The following CREB5 variants were observed in gnomAD, a reference collection of about 807,000 sequenced individuals.
CREB5 encodes cyclic AMP-responsive element-binding protein 5.
A neutral mutation model predicts 57.1 loss-of-function variants in CREB5; 19 were observed. That is an observed-to-expected ratio of 0.33 (90% CI 0.23 to 0.49). The LOEUF is 0.49. Ranked by LOEUF, CREB5 falls within the 20% of genes least tolerant of loss-of-function variation. The pLI, the probability that CREB5 is intolerant of heterozygous loss-of-function variation, is 0.99. For synonymous variants in CREB5, 238 were observed against 238.3 expected, an observed-to-expected ratio of 1.00 and a Z score of 0.01; for missense variants, 579 against 671.6, an observed-to-expected ratio of 0.86 and a Z score of 1.52.
intron 1 of CREB5, among the ~76,000 whole-genome samples, chr7:28,326,204 TCTATCTAC>T (rs752536413): frequency 0.039 from 4,280 of 110,376 alleles, 83 homozygotes; most frequent in Middle Eastern, 0.068. Context: ...TATCTATCTA[TCTATCTAC>T]CTATCTATCT....
intron 7 of CREB5, among the ~76,000 whole-genome samples, chr7:28,765,787 A>G (rs1805935855): frequency 1.3e-5 from 2 of 152,318 alleles, no homozygotes; most frequent in Non-Finnish European, 1.5e-5. Flanking sequence ...GTGCCCTTAG[A>G]CAGAAAATGA....
At chr7:28,522,966 A>T (rs1373227151) in intron 4 of CREB5, among the ~76,000 whole-genome samples, 1 of 152,214 alleles carries the variant, frequency 6.6e-6, no homozygotes, top group Non-Finnish European at 1.5e-5. Context: ...TCTGTGAGAG[A>T]CATCCACTCG....
At chr7:28,496,969 T>C (rs1792085135) in intron 3 of CREB5, among the ~76,000 whole-genome samples, 1 of 152,224 alleles carries the variant, frequency 6.6e-6, no homozygotes, top group Admixed American at 6.5e-5. Context: ...GTCAATGTAG[T>C]ATAACTTAAT....
At chr7:28,299,407 C>T (rs1208361329) in exon 1 of CREB5, 2 of 152,238 alleles carry the variant, frequency 1.3e-5, no homozygotes, top group East Asian at 3.8e-4. Context: ...CATTTATGCT[C>T]TGGCATTCGT....
At chr7:28,575,157 ACAAG>A (rs1795858228) in intron 5 of CREB5, among the ~76,000 whole-genome samples, 1 of 152,232 alleles carries the variant, frequency 6.6e-6, no homozygotes, top group South Asian at 2.1e-4. Flanking sequence ...AGGAAAACAA[ACAAG>A]CAAACAAAGA....
chr7:28,784,678 G>T (rs11514759), intron 7 of CREB5, among the ~76,000 whole-genome samples: 36,735 of 151,994 alleles, frequency 0.24, 5,430 homozygotes, highest in Non-Finnish European at 0.34. Flanking sequence ...GGCAGGAAAG[G>T]TTCGGATATG....
chr7:28,333,409 A>C (rs1008074967), intron 1 of CREB5, among the ~76,000 whole-genome samples: 19 of 152,064 alleles, frequency 1.2e-4, no homozygotes, highest in Non-Finnish European at 4.4e-5. Context: ...ATCCGATTAT[A>C]CTCTTTCAGT....
chr7:28,608,113 T>TCACACACA (rs61349634), intron 5 of CREB5, among the ~76,000 whole-genome samples: 1 of 143,070 alleles, frequency 7.0e-6, no homozygotes, highest in Admixed American at 7.0e-5. Context: ...TCTCTCTCTC[T>TCACACACA]CACACACACT....
intron 7 of CREB5, among the ~76,000 whole-genome samples, chr7:28,741,586 G>C (rs1189716729): frequency 1.3e-5 from 2 of 152,116 alleles, no homozygotes; most frequent in Non-Finnish European, 1.5e-5. Flanking sequence ...AATTAAGTAC[G>C]TTTTGAACTT....
At chr7:28,411,770 C>T (rs1037407739), upstream of CREB5, among the ~76,000 whole-genome samples, 1 of 152,128 alleles carries the variant, frequency 6.6e-6, no homozygotes, top group Non-Finnish European at 1.5e-5. Flanking sequence ...TTCTTCAAAG[C>T]GAAAGCCATG....
chr7:28,661,423 A>T (rs1259266502), intron 5 of CREB5, among the ~76,000 whole-genome samples: 1 of 89,704 alleles, frequency 1.1e-5, no homozygotes, highest in African/African-American at 4.2e-5. Flanking sequence ...TTCTCTACCC[A>T]CCCTCCCCAC....
intron 1 of CREB5, among the ~76,000 whole-genome samples, chr7:28,305,873 C>T (rs1190544284): frequency 1.3e-5 from 2 of 152,056 alleles, no homozygotes; most frequent in East Asian, 3.9e-4. Flanking sequence ...TAACAACTAA[C>T]ATTATGCATG....
intron 5 of CREB5, among the ~76,000 whole-genome samples, chr7:28,577,238 C>T (rs1795941693): frequency 6.6e-6 from 1 of 152,212 alleles, no homozygotes; most frequent in Non-Finnish European, 1.5e-5. Flanking sequence ...CATTCACTGC[C>T]TCTTTTCTGT....
chr7:28,804,308 A>G lies in CREB5; in HGVS notation c.812A>G (p.His271Arg). ...GGCTCCCGGCAGGACCAGACGCCAC[A>G]CCATCACATGCACTCGCACCCGCAT... ...MMGSRQDQTP[H>R]HHMHSHPHQH... The change falls in exon 8 of 11, where the codon CAC becomes CGC. Residue 271 changes from histidine (H) to arginine (R), a missense_variant. Physicochemically the swap from His to Arg is conservative, Grantham distance 29. This residue lies in a region of CREB5 where 459 missense variants were observed against 515.7 expected (regional missense o/e 0.89). Coordinates refer to ENST00000357727, the MANE Select transcript of CREB5 (RefSeq NM_182898.4). 6.2e-7 allele frequency: 1 copy of G among 1,613,944 alleles called. No individual in the cohort carries two copies. Among genetic ancestry groups the G allele is most frequent in the East Asian group, 2.2e-5 (1 of 44,880 alleles).
intron 1 of CREB5, among the ~76,000 whole-genome samples, chr7:28,355,111 T>A (rs755126837): frequency 9.2e-5 from 14 of 152,202 alleles, no homozygotes; most frequent in African/African-American, 3.4e-4. Flanking sequence ...TGACTTGCAA[T>A]TTTCTATTTC....
chr7:28,597,251 A>G (rs1796720336), intron 5 of CREB5, among the ~76,000 whole-genome samples: 1 of 152,188 alleles, frequency 6.6e-6, no homozygotes, highest in South Asian at 2.1e-4. Context: ...ATCCTCTGTT[A>G]TTGCTCTCTG....
At chr7:28,388,436 T>A (rs1787153403) in intron 1 of CREB5, among the ~76,000 whole-genome samples, 1 of 152,194 alleles carries the variant, frequency 6.6e-6, no homozygotes, top group South Asian at 2.1e-4. Flanking sequence ...AACCTCTTGG[T>A]TATCAAGATT....
At chr7:28,573,175 G>A (rs571129077) in intron 5 of CREB5, among the ~76,000 whole-genome samples, 1 of 152,318 alleles carries the variant, frequency 6.6e-6, no homozygotes, top group Admixed American at 6.5e-5. Context: ...TTTCTCTCAG[G>A]AAAGAGGAAA....
chr7:28,413,029 T>C, intron 1 of CREB5, 112 bp downstream of exon 1: 1 of 1,021,814 alleles, frequency 9.8e-7, no homozygotes, highest in Non-Finnish European at 1.3e-6. Context: ...GTTTAGATTT[T>C]GCACAAAATT....
Sources: allele counts gnomAD v4.1 joint callset (sites outside exome capture counted in the v4.1 genomes callset), GRCh38; gene constraint gnomAD v4.1.1; regional missense constraint gnomAD v4.1.1; transcripts MANE v1.5; gene names NCBI Gene and HGNC (gene_info 2026-07-23, HGNC 2026-07-21).